Variants in ARHGAP15 observed in about 807,000 individuals in gnomAD.
ARHGAP15 encodes rho GTPase-activating protein 15.
A neutral mutation model predicts 63.7 loss-of-function variants in ARHGAP15; 51 were observed. That is an observed-to-expected ratio of 0.80 (90% CI 0.64 to 1.01). The LOEUF is 1.01. Among genes scored for constraint, ARHGAP15 ranks in the 50% least tolerant of loss-of-function variants. The pLI is 0.00. For synonymous variants in ARHGAP15, 191 were observed against 193.8 expected (o/e 0.99, Z 0.12); for missense variants, 560 against 564.6 (o/e 0.99, Z 0.08).
chr2:143,360,349 C>A (rs909526255), intron 6 of ARHGAP15, among the ~76,000 whole-genome samples: 11 of 152,038 alleles, frequency 7.2e-5, no homozygotes, highest in Non-Finnish European at 1.6e-4. Flanking sequence ...TGTGCCACTG[C>A]AATCGCGCCT....
rs180722761 is a variant in ARHGAP15 at position 143,474,774 on chromosome 2, T to C, written c.704-12599T>C. On this transcript the variant is annotated intron_variant, in intron 8 of 13. Transcript: ENST00000295095. ...AGTTCCCTCCAGATTTAATATTTCATGTTTCTGAGACTCCAACATGAACTG... is the reference window on the plus strand; with the variant it reads ...AGTTCCCTCCAGATTTAATATTTCACGTTTCTGAGACTCCAACATGAACTG... Among the ~76,000 whole-genome samples the C allele has an allele frequency of 9.2e-5, 14 of 152,368 alleles. No individual in the cohort carries two copies. The East Asian group carries it at 2.3e-3, about 25-fold the overall frequency.
At position 143,610,800 on chromosome 2, in the gene ARHGAP15, C is replaced by T. The variant is rs568439486; in HGVS notation, c.1004-13333C>T. 3.3e-5 allele frequency among the ~76,000 whole-genome samples: 5 copies of T among 150,128 alleles called. No homozygotes were observed. The South Asian group carries it at 1.1e-3, about 32-fold the overall frequency. On this transcript the variant is annotated intron_variant, in intron 11 of 13. Coordinates refer to ENST00000295095, the MANE Select transcript of ARHGAP15 (RefSeq NM_018460.4). ...GTACAGTGCAGTGGTGTGATCTCGG[C>T]TCACTGCAGCCTCTGCCTCCTGGAT... is the stretch of plus-strand genomic sequence containing the variant.
intron 8 of ARHGAP15, among the ~76,000 whole-genome samples, chr2:143,460,813 G>A (rs1407257721): frequency 6.6e-6 from 1 of 152,150 alleles, no homozygotes; most frequent in African/African-American, 2.4e-5. Flanking sequence ...GGGAAACTTA[G>A]GAAAGGAACC....
chr2:143,260,903 C>T (rs1332838547), intron 6 of ARHGAP15, among the ~76,000 whole-genome samples: 1 of 152,078 alleles, frequency 6.6e-6, no homozygotes, highest in African/African-American at 2.4e-5. Context: ...ACAACAACAA[C>T]AATAAAACCT....
intron 6 of ARHGAP15, among the ~76,000 whole-genome samples, chr2:143,262,561 C>CTTTTTTTTTTTTTTTTTTTT (rs1553456078): frequency 1.7e-4 from 12 of 70,702 alleles, no homozygotes; most frequent in African/African-American, 4.0e-4. Flanking sequence ...TTTTTTTTTA[C>CTTTTTTTTTTTTTTTTTTTT]TTTGTCACGC....
At chr2:143,587,491 G>A (rs1697153367) in intron 11 of ARHGAP15, among the ~76,000 whole-genome samples, 2 of 151,984 alleles carry the variant, frequency 1.3e-5, no homozygotes, top group South Asian at 4.1e-4. Context: ...AGCTCTTGTG[G>A]ACTCCTAAAG....
chr2:143,407,238 G>A lies in ARHGAP15; in HGVS notation c.475-28363G>A, dbSNP rs1274156191. 2.0e-5 allele frequency among the ~76,000 whole-genome samples: 3 copies of A among 151,654 alleles called. No individual in the cohort carries two copies. The East Asian group carries it at 5.8e-4, about 29-fold the overall frequency. On this transcript the variant is annotated intron_variant, in intron 6 of 13. Coordinates refer to ENST00000295095, the MANE Select transcript of ARHGAP15 (RefSeq NM_018460.4). ...TTTAATCTCTTGTGAATAGTGTATT[G>A]ATAGATATCTCTCTCTCTCTTAACT...
At chr2:143,625,711 C>A (rs1338829330) in intron 12 of ARHGAP15, among the ~76,000 whole-genome samples, 1 of 152,110 alleles carries the variant, frequency 6.6e-6, no homozygotes, top group African/African-American at 2.4e-5. Flanking sequence ...CTTGGAACAC[C>A]CAAGCAACTT....
chr2:143,373,591 C>G (rs569873251), intron 6 of ARHGAP15, among the ~76,000 whole-genome samples: 21 of 142,070 alleles, frequency 1.5e-4, no homozygotes, highest in African/African-American at 4.9e-4. Context: ...GATAGCACCA[C>G]TGCACTCCAG....
intron 13 of ARHGAP15, among the ~76,000 whole-genome samples, chr2:143,705,595 A>G (rs1353382289): frequency 6.6e-6 from 1 of 152,230 alleles, no homozygotes. Context: ...ACAAGTAAAT[A>G]CTGGAGTGCT....
At chr2:143,246,628 G>A (rs1694054673) in intron 5 of ARHGAP15, among the ~76,000 whole-genome samples, 1 of 151,962 alleles carries the variant, frequency 6.6e-6, no homozygotes. Context: ...GGAATATTAT[G>A]GAGGGGCAAG....
intron 8 of ARHGAP15, among the ~76,000 whole-genome samples, chr2:143,443,137 A>T (rs1025224922): frequency 1.3e-5 from 2 of 152,182 alleles, no homozygotes; most frequent in African/African-American, 4.8e-5. Flanking sequence ...CATACTGTGA[A>T]GCCTGTTCTG....
chr2:143,267,417 C>T (rs1230062989), intron 6 of ARHGAP15, among the ~76,000 whole-genome samples: 2 of 152,132 alleles, frequency 1.3e-5, no homozygotes, highest in African/African-American at 4.8e-5. Flanking sequence ...ATATGTCAAC[C>T]TGCATGCCGA....
At chr2:143,765,109 A>ATGTGTGTGTGTGTGTGTG (rs60894627) in intron 13 of ARHGAP15, among the ~76,000 whole-genome samples, 27 of 147,624 alleles carry the variant, frequency 1.8e-4, no homozygotes, top group African/African-American at 6.3e-4. Flanking sequence ...CCTCTAAAAT[A>ATGTGTGTGTGTGTGTGTG]TGTGTGTGTG....
At chr2:143,396,485 GA>G (rs1378487781) in intron 6 of ARHGAP15, among the ~76,000 whole-genome samples, 5 of 151,986 alleles carry the variant, frequency 3.3e-5, no homozygotes, top group African/African-American at 1.2e-4. Context: ...GTGGTCCCCA[GA>G]GACCAACAAT....
intron 11 of ARHGAP15, among the ~76,000 whole-genome samples, chr2:143,582,943 A>T (rs1696968663): frequency 2.0e-5 from 3 of 152,230 alleles, no homozygotes. Context: ...GCTCAGGTTG[A>T]GTCCCAGCTT....
At chr2:143,229,301 A>C (rs1401623629) in intron 5 of ARHGAP15, among the ~76,000 whole-genome samples, 6 of 152,214 alleles carry the variant, frequency 3.9e-5, no homozygotes, top group Non-Finnish European at 5.9e-5. Flanking sequence ...CACTATATCC[A>C]GCTAACCTTT....
At chr2:143,616,938 A>G (rs1226142832) in intron 11 of ARHGAP15, among the ~76,000 whole-genome samples, 1 of 152,200 alleles carries the variant, frequency 6.6e-6, no homozygotes, top group Non-Finnish European at 1.5e-5. Flanking sequence ...TTCTAGTAGT[A>G]CTTAGAGTCT....
At chr2:143,668,829 G>A (rs1682371330) in intron 12 of ARHGAP15, among the ~76,000 whole-genome samples, 1 of 152,118 alleles carries the variant, frequency 6.6e-6, no homozygotes, top group Admixed American at 6.5e-5. Flanking sequence ...ATAAAATCAA[G>A]GATCTAGGCC....
Sources: gnomAD v4.1 joint callset for allele counts (sites outside exome capture counted in the v4.1 genomes callset) on GRCh38, gnomAD v4.1.1 for gene constraint, MANE v1.5 for transcripts, NCBI Gene and HGNC (gene_info 2026-07-23, HGNC 2026-07-21) for gene names.